CCDC152: variants seen among roughly 807,000 people sequenced by gnomAD.
CCDC152 encodes the protein coiled-coil domain containing 152.
CCDC152 carries 37 observed loss-of-function variants against 38.1 expected under a neutral mutation model. That is an observed-to-expected ratio of 0.97 (90% CI 0.75 to 1.28). The LOEUF (loss-of-function observed/expected upper bound fraction) is 1.28, where lower values mean the gene tolerates loss of function less well. Ranked by LOEUF, CCDC152 falls within the 50% of genes most tolerant of loss-of-function variation. The probability of loss-of-function intolerance (pLI) is 0.00; values close to 1 mark genes in which losing one functional copy is unlikely to be tolerated. For synonymous variants in CCDC152, 83 were observed against 87.1 expected (o/e 0.95, Z 0.26); for missense variants, 259 against 292.1 (o/e 0.89, Z 0.83).
At chr5:42,766,066 G>GA (rs1479981357) in intron 3 of CCDC152, among the ~76,000 whole-genome samples, 4 of 151,960 alleles carry the variant, frequency 2.6e-5, no homozygotes, top group Non-Finnish European at 4.4e-5. Context: ...ACCCCTATAG[G>GA]AAAAAAATCT....
intron 4 of CCDC152, among the ~76,000 whole-genome samples, chr5:42,772,759 A>T (rs1217963698): frequency 6.6e-6 from 1 of 152,158 alleles, no homozygotes; most frequent in Non-Finnish European, 1.5e-5. Flanking sequence ...ACAAGCCTTG[A>T]TTGAGCAAGG....
intron 6 of CCDC152, among the ~76,000 whole-genome samples, chr5:42,791,432 C>T (rs1433072932): frequency 2.0e-5 from 3 of 152,198 alleles, no homozygotes; most frequent in Non-Finnish European, 4.4e-5. Context: ...ACTGTCAACC[C>T]TGGCTTGCAA....
intron 7 of CCDC152, among the ~76,000 whole-genome samples, chr5:42,798,836 A>C (rs1201861349): frequency 3.9e-5 from 6 of 152,282 alleles, no homozygotes; most frequent in Non-Finnish European, 8.8e-5. Context: ...TTTTAACCTG[A>C]TTCAGTTTAA....
intron 5 of CCDC152, among the ~76,000 whole-genome samples, chr5:42,783,226 G>A (rs1351764611): frequency 6.6e-6 from 1 of 151,792 alleles, no homozygotes; most frequent in Non-Finnish European, 1.5e-5. Flanking sequence ...AATAAAATGG[G>A]TCTATCTCAA....
At chr5:42,762,103 G>A (rs970873784) in intron 2 of CCDC152, among the ~76,000 whole-genome samples, 4 of 152,152 alleles carry the variant, frequency 2.6e-5, no homozygotes, top group African/African-American at 9.7e-5. Context: ...CTACAAACCT[G>A]GACAGCATGT....
Position 42,801,476 on chromosome 5 carries a change from C to T in CCDC152, c.*1695C>T. On this transcript the variant is annotated 3_prime_UTR_variant, in exon 9 of 9. Transcript: ENST00000361970. ...TTGTATTATATTAATGAGAAAGAGTCTGATGTTAGTCTCAACACCTAGACA... is the reference window on the plus strand; with the variant it reads ...TTGTATTATATTAATGAGAAAGAGTTTGATGTTAGTCTCAACACCTAGACA... 1.6e-6 allele frequency: 1 copy of T among 609,984 alleles called. No homozygotes were observed. The highest frequency in any genetic ancestry group is 2.8e-6 in the Non-Finnish European group (1 of 360,744). 37.8% of individuals were successfully genotyped at this position (609,984 alleles called of 1,614,324 possible).
At position 42,801,412 on chromosome 5, in the gene CCDC152, A is replaced by G; in HGVS notation, c.*1631A>G. On this transcript the variant is annotated 3_prime_UTR_variant, in exon 9 of 9. Transcript: ENST00000361970. ...GTGAAAAATGATTTGTAGAGCTAAC[A>G]TGTGAAATTCCAACTAGTTAATTAG... The G allele has an allele frequency of 2.8e-6, 3 of 1,074,518 alleles. No homozygotes were observed. Among genetic ancestry groups the G allele is most frequent in the Non-Finnish European group, 4.0e-6 (3 of 747,110 alleles). 66.6% of individuals were successfully genotyped at this position (1,074,518 alleles called of 1,614,324 possible).
At position 42,786,252 on chromosome 5, in the gene CCDC152, T is replaced by TTTG. The variant is rs201044063; in HGVS notation, c.430+2695_430+2697dup. Among the ~76,000 whole-genome samples the TTTG allele has an allele frequency of 6.6e-3, 1,009 of 152,002 alleles. 4 individuals are homozygous for TTTG. The highest frequency in any genetic ancestry group is 0.02 in the Middle Eastern group (6 of 294). On this transcript the variant is annotated intron_variant, in intron 6 of 8. Coordinates refer to ENST00000361970, the MANE Select transcript of CCDC152 (RefSeq NM_001134848.2). ...CCTGTAAATACTCTAGTCCTGGGATTTTGTTGTTGTTGTTGTTGTTGGTAT... is the reference window on the plus strand; with the variant it reads ...CCTGTAAATACTCTAGTCCTGGGATTTTGTTGTTGTTGTTGTTGTTGTTGGTAT...
chr5:42,757,644 G>A (rs753846138), intron 1 of CCDC152, among the ~76,000 whole-genome samples: 1 of 152,194 alleles, frequency 6.6e-6, no homozygotes, highest in Non-Finnish European at 1.5e-5. Context: ...AATCAGAAGA[G>A]CAGGCAATGA....
At chr5:42,792,731 G>A (rs1760021040) in intron 6 of CCDC152, among the ~76,000 whole-genome samples, 1 of 152,134 alleles carries the variant, frequency 6.6e-6, no homozygotes, top group Non-Finnish European at 1.5e-5. Context: ...ACCAAGATAG[G>A]ATTAGACATC....
intron 2 of CCDC152, among the ~76,000 whole-genome samples, chr5:42,759,613 C>T (rs1353634477): frequency 6.6e-6 from 1 of 152,172 alleles, no homozygotes; most frequent in East Asian, 1.9e-4. Context: ...CTGAGTAGCA[C>T]GGTGAAATCT....
chr5:42,760,981 GAA>G (rs916795412), intron 2 of CCDC152, among the ~76,000 whole-genome samples: 2 of 152,132 alleles, frequency 1.3e-5, no homozygotes, highest in African/African-American at 4.8e-5. Context: ...GCCATATTTT[GAA>G]AGAGTCGTCT....
At chr5:42,766,964 A>G (rs1759632970) in intron 3 of CCDC152, among the ~76,000 whole-genome samples, 1 of 152,192 alleles carries the variant, frequency 6.6e-6, no homozygotes, top group Non-Finnish European at 1.5e-5. Context: ...TAGATACGCC[A>G]TTCTCCATGA....
intron 1 of CCDC152, among the ~76,000 whole-genome samples, chr5:42,758,897 T>C (rs1298980551): frequency 6.6e-6 from 1 of 152,084 alleles, no homozygotes; most frequent in East Asian, 1.9e-4. Context: ...AAGAAACAAA[T>C]ATAAATAAGT....
At chr5:42,757,119 T>G (rs1342655373) in intron 1 of CCDC152, among the ~76,000 whole-genome samples, 1 of 151,134 alleles carries the variant, frequency 6.6e-6, no homozygotes, top group Non-Finnish European at 1.5e-5. Flanking sequence ...TCTTATCTCC[T>G]TACAGTGCTC....
At position 42,801,714 on chromosome 5, in the gene CCDC152, G is replaced by A. The variant is rs773492567; in HGVS notation, c.*1933G>A. 17 of 232,378 alleles carry A rather than the reference G, an allele frequency of 7.3e-5. No homozygotes were observed. Among genetic ancestry groups the A allele is most frequent in the Non-Finnish European group, 1.1e-4 (13 of 121,744 alleles). The allele number at this position is 232,378 out of a possible 1,614,324, so 14.4% of individuals were successfully genotyped here. A position where few individuals can be genotyped will look rare whatever the true frequency, so the allele number is the denominator to read the frequency against. Reference sequence around the variant, plus strand: ...GGCAGATTACTTGGGCTCAGGAGTCGGAGACCAGCCTGGGCAACATGGCGA... The same window carrying A: ...GGCAGATTACTTGGGCTCAGGAGTCAGAGACCAGCCTGGGCAACATGGCGA... On this transcript the variant is annotated 3_prime_UTR_variant, in exon 9 of 9. Transcript: ENST00000361970.
At chr5:42,775,542 T>A (rs1407750945) in intron 4 of CCDC152, among the ~76,000 whole-genome samples, 2 of 152,138 alleles carry the variant, frequency 1.3e-5, no homozygotes, top group Non-Finnish European at 2.9e-5. Context: ...TTGTTGCAAG[T>A]ATACCAGCCT....
At chr5:42,772,650 A>G (rs1167039869) in intron 4 of CCDC152, among the ~76,000 whole-genome samples, 2 of 13,702 alleles carry the variant, frequency 1.5e-4, no homozygotes, top group Non-Finnish European at 3.6e-4. Context: ...ACTCCGTCTC[A>G]AAAAAAAAAA....
At chr5:42,785,280 A>G (rs1309683750) in intron 6 of CCDC152, among the ~76,000 whole-genome samples, 1 of 152,000 alleles carries the variant, frequency 6.6e-6, no homozygotes, top group Non-Finnish European at 1.5e-5. Flanking sequence ...TCTATTACCA[A>G]ACTGTTTTGT....
Sources: gnomAD v4.1 joint callset for allele counts (sites outside exome capture counted in the v4.1 genomes callset) on GRCh38, gnomAD v4.1.1 for gene constraint, MANE v1.5 for transcripts, NCBI Gene and HGNC (gene_info 2026-07-23, HGNC 2026-07-21) for gene names.